Variants in ZMYND8 observed in about 807,000 individuals in gnomAD.
The protein encoded by ZMYND8 is MYND-type zinc finger-containing chromatin reader ZMYND8.
In ZMYND8, 37 loss-of-function variants were observed where a neutral mutation model predicts 140.8. The observed-to-expected ratio is 0.26, with a 90% CI of 0.20 to 0.35. The LOEUF (loss-of-function observed/expected upper bound fraction) is 0.35, where lower values mean the gene tolerates loss of function less well. Among genes scored for constraint, ZMYND8 ranks in the 10% least tolerant of loss-of-function variants. ZMYND8 has a pLI of 1.00. For synonymous variants in ZMYND8, 592 were observed against 597.1 expected (o/e 0.99, Z 0.12); for missense variants, 1,068 against 1,570.0 (o/e 0.68, Z 5.40).
chr20:47,318,809 GAT>G (rs1569186374), intron 2 of ZMYND8: 1 of 566,680 alleles, frequency 1.8e-6, no homozygotes, highest in South Asian at 1.5e-5. Flanking sequence ...CCAGAGCCGG[GAT>G]AGGGAGGGCT....
At chr20:47,274,076 T>C (rs1009189190) in intron 11 of ZMYND8, among the ~76,000 whole-genome samples, 2 of 22,484 alleles carry the variant, frequency 8.9e-5, no homozygotes, top group African/African-American at 9.7e-4. Context: ...GAATGAGGTA[T>C]ATTTTTCCAG....
intron 1 of ZMYND8, among the ~76,000 whole-genome samples, chr20:47,350,707 A>G (rs954709930): frequency 2.6e-5 from 4 of 152,196 alleles, no homozygotes; most frequent in African/African-American, 9.7e-5. Flanking sequence ...TTAACACATT[A>G]AAGTCTTAGA....
intron 7 of ZMYND8, among the ~76,000 whole-genome samples, chr20:47,287,802 G>A (rs2077013569): frequency 6.6e-6 from 1 of 151,882 alleles, no homozygotes; most frequent in Admixed American, 6.6e-5. Flanking sequence ...GACCAGCCTG[G>A]GCAACATAGC....
chr20:47,324,506 G>GCT (rs2080251118), intron 2 of ZMYND8, among the ~76,000 whole-genome samples: 1 of 152,058 alleles, frequency 6.6e-6, no homozygotes, highest in Non-Finnish European at 1.5e-5. Flanking sequence ...GCAACAAGAA[G>GCT]CTCTGTCTCA....
rs142975076 is a variant in ZMYND8 at position 47,250,430 on chromosome 20, C to T, written c.1622-991G>A. ...CGAGTGTGAGGCATCTGTCCTACTC[C>T]GGCCGATCCCAAAAAATAAGTCAGA... is the stretch of plus-strand genomic sequence containing the variant. On this transcript the variant is annotated intron_variant, in intron 12 of 22. Transcript: ENST00000471951. Among the ~76,000 whole-genome samples the T allele has an allele frequency of 7.9e-4, 121 of 152,298 alleles. 1 individual carries two copies. The East Asian group carries it at 0.019, about 24-fold the overall frequency.
intron 22 of ZMYND8, among the ~76,000 whole-genome samples, chr20:47,211,378 C>G (rs973040622): frequency 5.3e-5 from 8 of 152,164 alleles, no homozygotes; most frequent in African/African-American, 1.9e-4. Context: ...CCAAATCACA[C>G]TTGTCCACCC....
Position 47,256,301 on chromosome 20 carries a change from G to A in ZMYND8, c.1621+5987C>T, listed in dbSNP as rs766531135. The stretch of plus-strand genomic sequence containing the variant: ...TTGAGACCAGCCTGGGAAACATAGC[G>A]AGACCCTGTCTCTATATTATTTTTT... On this transcript the variant is annotated intron_variant, in intron 12 of 22. Transcript: ENST00000471951. 1.2e-4 allele frequency among the ~76,000 whole-genome samples: 18 copies of A among 151,302 alleles called. No individual in the cohort carries two copies. The South Asian group carries it at 1.3e-3, about 11-fold the overall frequency.
chr20:47,302,729 T>C (rs567479395), intron 3 of ZMYND8, among the ~76,000 whole-genome samples: 6 of 152,232 alleles, frequency 3.9e-5, no homozygotes, highest in South Asian at 2.1e-4. Context: ...TAAGACAACG[T>C]TGAATCCAGG....
intron 10 of ZMYND8, among the ~76,000 whole-genome samples, chr20:47,280,982 C>T (rs563104648): frequency 3.0e-4 from 46 of 152,304 alleles, no homozygotes; most frequent in African/African-American, 1.1e-3. Flanking sequence ...ATTATCTTGC[C>T]TATTAGTTCA....
At chr20:47,248,634 C>G (rs561329830) in intron 13 of ZMYND8, among the ~76,000 whole-genome samples, 2 of 152,366 alleles carry the variant, frequency 1.3e-5, no homozygotes, top group South Asian at 4.1e-4. Flanking sequence ...ATAAAACGGC[C>G]TCCCTGCCCT....
intron 3 of ZMYND8, among the ~76,000 whole-genome samples, chr20:47,307,780 T>TTGCG (rs2078610504): frequency 6.6e-6 from 1 of 151,788 alleles, no homozygotes; most frequent in South Asian, 2.1e-4. Context: ...AGAGCCAAGA[T>TTGCG]TGCGCCATTG....
intron 1 of ZMYND8, among the ~76,000 whole-genome samples, chr20:47,351,146 C>T (rs2082748088): frequency 6.6e-6 from 1 of 152,200 alleles, no homozygotes. Flanking sequence ...TCTTAACCTG[C>T]ATGCACTGAA....
chr20:47,210,440 CTTTTT>C lies in ZMYND8; in HGVS notation c.*316_*320del. ...TTTTTTTTTTTTTTAAATCGTTTTT[CTTTTT>C]CTTTTTTTTTTTTTAATAAGTTAAA... On this transcript the variant is annotated 3_prime_UTR_variant, in exon 23 of 23. Coordinates refer to ENST00000471951, the MANE Select transcript of ZMYND8 (RefSeq NM_001281775.3). 9.1e-6 allele frequency: 1 copy of C among 109,750 alleles called. No individual in the cohort carries two copies. The highest frequency in any genetic ancestry group is 1.9e-5 in the Non-Finnish European group (1 of 53,622). 6.8% of individuals were successfully genotyped at this position (109,750 alleles called of 1,614,324 possible). A position where few individuals can be genotyped will look rare whatever the true frequency, so the allele number is the denominator to read the frequency against.
At position 47,265,068 on chromosome 20, in the gene ZMYND8, A is replaced by G. The variant is rs10854174; in HGVS notation, c.1481-2640T>C. The stretch of plus-strand genomic sequence containing the variant: ...AATATATATACATATATATATATAT[A>G]GGCATTTTAACGGAAGTATTACCAA... On this transcript the variant is annotated intron_variant, in intron 11 of 22. Transcript: ENST00000471951. 4.0e-3 allele frequency among the ~76,000 whole-genome samples: 582 copies of G among 143,990 alleles called. 4 individuals carry two copies. The highest frequency in any genetic ancestry group is 8.3e-3 in the African/African-American group (334 of 40,084). The allele number at this position is 143,990 out of a possible 152,430, so 94.5% of individuals were successfully genotyped here.
chr20:47,255,611 C>T (rs547031358), intron 12 of ZMYND8, among the ~76,000 whole-genome samples: 81 of 121,110 alleles, frequency 6.7e-4, no homozygotes, highest in Non-Finnish European at 1.1e-3. Flanking sequence ...TATATATATA[C>T]ACACCATATA....
chr20:47,218,234 G>A (rs1317627871), intron 21 of ZMYND8, among the ~76,000 whole-genome samples: 5 of 152,130 alleles, frequency 3.3e-5, no homozygotes, highest in African/African-American at 1.2e-4. Context: ...CCCTCCTGAT[G>A]CCAACAGACT....
rs553176921 is a variant in ZMYND8 at position 47,216,885 on chromosome 20, G to A, written c.3484+3373C>T. On this transcript the variant is annotated intron_variant, in intron 21 of 22. Transcript: ENST00000471951. ...TAAAAGAAAAACATATTGGGAAGAC[G>A]ATCCGGCAGAAGAGAATATCTGCTT... 5.3e-5 allele frequency among the ~76,000 whole-genome samples: 8 copies of A among 152,282 alleles called. 1 individual carries two copies. In the South Asian group the frequency reaches 1.2e-3, roughly 24 times the overall value.
intron 1 of ZMYND8, chr20:47,352,711 CAAGGACG>C (rs2082892893): frequency 8.5e-6 from 2 of 235,200 alleles, no homozygotes; most frequent in Admixed American, 1.3e-4. Flanking sequence ...CATGCCAGGG[CAAGGACG>C]GGCCACTGGC....
intron 2 of ZMYND8, among the ~76,000 whole-genome samples, chr20:47,343,702 G>A (rs113282583): frequency 0.021 from 3,193 of 152,278 alleles, 113 homozygotes; most frequent in African/African-American, 0.074. Flanking sequence ...TTGCCACGTT[G>A]GCCAGGCTGG....
Sources: gnomAD v4.1 joint callset for allele counts (sites outside exome capture counted in the v4.1 genomes callset) on GRCh38, gnomAD v4.1.1 for gene constraint, MANE v1.5 for transcripts, NCBI Gene and HGNC (gene_info 2026-07-23, HGNC 2026-07-21) for gene names.